Variants in ROBO1 observed in about 807,000 individuals in gnomAD.
The protein encoded by ROBO1 is roundabout homolog 1.
Under a neutral mutation model 195.9 loss-of-function variants are expected in ROBO1, and 149 were observed. That is an observed-to-expected ratio of 0.76 (90% CI 0.67 to 0.87). The LOEUF (loss-of-function observed/expected upper bound fraction) is 0.87. ROBO1 is among the 40% of genes least tolerant of loss of function. The pLI is 0.00. For missense variants in ROBO1, 1,933 were observed against 2,068.3 expected, an observed-to-expected ratio of 0.93 and a Z score of 1.27; for synonymous variants, 816 against 733.2, an observed-to-expected ratio of 1.11 and a Z score of -1.82.
chr3:79,059,773 C>T (rs2078880647), intron 3 of ROBO1, among the ~76,000 whole-genome samples: 1 of 152,014 alleles, frequency 6.6e-6, no homozygotes, highest in Admixed American at 6.6e-5. Context: ...TCTTCCTAAA[C>T]TGAGGATGTA....
At chr3:78,965,918 G>A (rs1350938942) in intron 3 of ROBO1, among the ~76,000 whole-genome samples, 1 of 152,144 alleles carries the variant, frequency 6.6e-6, no homozygotes, top group African/African-American at 2.4e-5. Context: ...ACTTGAAACT[G>A]AACTTTATTA....
intron 1 of ROBO1, among the ~76,000 whole-genome samples, chr3:79,599,254 A>G (rs1944270053): frequency 6.6e-6 from 1 of 152,020 alleles, no homozygotes; most frequent in Non-Finnish European, 1.5e-5. Flanking sequence ...CAAACTAATA[A>G]TCATTAAAAG....
intron 3 of ROBO1, among the ~76,000 whole-genome samples, chr3:78,983,462 A>G (rs917845389): frequency 1.3e-5 from 2 of 152,250 alleles, no homozygotes; most frequent in African/African-American, 2.4e-5. Flanking sequence ...CTGCTTCTCA[A>G]TTCTCAGAGT....
chr3:79,532,426 T>A (rs1356928478), intron 2 of ROBO1, among the ~76,000 whole-genome samples: 1 of 152,150 alleles, frequency 6.6e-6, no homozygotes, highest in Admixed American at 6.5e-5. Context: ...AAATTTAAAT[T>A]CAATTATGAA....
intron 1 of ROBO1, among the ~76,000 whole-genome samples, chr3:79,651,169 T>C (rs1382702053): frequency 6.6e-6 from 1 of 152,122 alleles, no homozygotes; most frequent in African/African-American, 2.4e-5. Context: ...AAATATGGTA[T>C]GGCCTATCCC....
At chr3:79,335,190 T>G (rs1428985832) in intron 2 of ROBO1, among the ~76,000 whole-genome samples, 1 of 152,174 alleles carries the variant, frequency 6.6e-6, no homozygotes, top group Non-Finnish European at 1.5e-5. Context: ...AAAATATTTA[T>G]TATCTGTAGT....
chr3:78,851,547 C>T (rs1398580824), intron 4 of ROBO1, among the ~76,000 whole-genome samples: 3 of 152,106 alleles, frequency 2.0e-5, no homozygotes, highest in Non-Finnish European at 4.4e-5. Context: ...AGAATACATT[C>T]AATAACTGTT....
chr3:79,690,536 T>C (rs1344621544), intron 1 of ROBO1, among the ~76,000 whole-genome samples: 1 of 152,042 alleles, frequency 6.6e-6, no homozygotes, highest in Non-Finnish European at 1.5e-5. Context: ...ATGCTCTTAG[T>C]TCAGTGAAAT....
At position 79,307,372 on chromosome 3, in the gene ROBO1, A is replaced by G. The variant is rs554438182; in HGVS notation, c.89-181833T>C. On this transcript the variant is annotated intron_variant, in intron 2 of 30. Coordinates refer to ENST00000464233, the MANE Select transcript of ROBO1 (RefSeq NM_002941.4). The stretch of plus-strand genomic sequence containing the variant: ...TGTTTACACAACCAAATGATTTCAC[A>G]TCTGGTGAAATTCAAGCTGCCATTC... Among the ~76,000 whole-genome samples the G allele has an allele frequency of 3.2e-4, 49 of 152,242 alleles. 1 individual carries two copies. The highest frequency in any genetic ancestry group is 1.1e-3 in the African/African-American group (47 of 41,552).
intron 2 of ROBO1, among the ~76,000 whole-genome samples, chr3:79,152,059 A>C (rs1325442323): frequency 1.3e-5 from 2 of 151,988 alleles, no homozygotes; most frequent in South Asian, 2.1e-4. Flanking sequence ...ACTGGAATAT[A>C]AACTTCGTAA....
chr3:79,055,129 C>T (rs941789249), intron 3 of ROBO1, among the ~76,000 whole-genome samples: 1 of 152,094 alleles, frequency 6.6e-6, no homozygotes, highest in Non-Finnish European at 1.5e-5. Flanking sequence ...GGGGCATCCA[C>T]CTCTGCTAAA....
intron 2 of ROBO1, among the ~76,000 whole-genome samples, chr3:79,437,783 T>G (rs2107097581): frequency 6.6e-6 from 1 of 152,026 alleles, no homozygotes; most frequent in Admixed American, 6.6e-5. Context: ...GAGGAAACAC[T>G]GCTAAGGGGA....
At chr3:78,711,398 C>CCTTCCTTTCTTTCTTT (rs2081724186) in intron 8 of ROBO1, among the ~76,000 whole-genome samples, 4 of 39,950 alleles carry the variant, frequency 1.0e-4, no homozygotes, top group Non-Finnish European at 1.8e-4. Flanking sequence ...TTCCTTCCTT[C>CCTTCCTTTCTTTCTTT]CTTTCTTTCT....
intron 28 of ROBO1, 73 bp downstream of exon 28, chr3:78,614,575 A>G: frequency 6.8e-7 from 1 of 1,479,960 alleles, no homozygotes; most frequent in Non-Finnish European, 9.2e-7. Flanking sequence ...CAGTGAATGC[A>G]TTTGCTAGTC....
At chr3:78,934,452 A>C (rs992451374) in intron 4 of ROBO1, among the ~76,000 whole-genome samples, 6 of 151,980 alleles carry the variant, frequency 3.9e-5, no homozygotes, top group Admixed American at 2.0e-4. Context: ...TTTTTTTAAA[A>C]GACAAAAGTA....
chr3:79,366,630 C>T (rs546166903), intron 2 of ROBO1, among the ~76,000 whole-genome samples: 6 of 152,272 alleles, frequency 3.9e-5, no homozygotes, highest in Admixed American at 3.3e-4. Context: ...ATGCCCAGCA[C>T]TTGGCCGGCA....
chr3:79,227,124 G>T (rs974692476), intron 2 of ROBO1, among the ~76,000 whole-genome samples: 3 of 152,094 alleles, frequency 2.0e-5, no homozygotes, highest in Non-Finnish European at 4.4e-5. Context: ...TTTGACAATG[G>T]TGAATATTTT....
intron 1 of ROBO1, among the ~76,000 whole-genome samples, chr3:79,735,100 A>T (rs1157529449): frequency 2.0e-5 from 3 of 152,238 alleles, no homozygotes; most frequent in Admixed American, 2.0e-4. Flanking sequence ...GAAAAAGCAT[A>T]GGCGGATGGA....
intron 4 of ROBO1, among the ~76,000 whole-genome samples, chr3:78,819,543 C>G (rs1008591695): frequency 6.6e-6 from 1 of 151,362 alleles, no homozygotes; most frequent in Middle Eastern, 3.4e-3. Flanking sequence ...TTTTCTAAAC[C>G]TGTAATATCA....
Sources: gnomAD v4.1 joint callset for allele counts (sites outside exome capture counted in the v4.1 genomes callset) on GRCh38, gnomAD v4.1.1 for gene constraint, MANE v1.5 for transcripts, NCBI Gene and HGNC (gene_info 2026-07-23, HGNC 2026-07-21) for gene names.